MAGI3: variants seen among roughly 807,000 people sequenced by gnomAD.
MAGI3 encodes membrane-associated guanylate kinase, WW and PDZ domain-containing protein 3.
Under a neutral mutation model 121.8 loss-of-function variants are expected in MAGI3, and 43 were observed. The ratio of observed to expected loss-of-function variants is 0.35; its 90% confidence interval spans 0.28 to 0.46. The LOEUF is 0.46. MAGI3 is among the 20% of genes least tolerant of loss of function. The pLI, the probability that MAGI3 is intolerant of heterozygous loss-of-function variation, is 1.00. For synonymous variants in MAGI3, 553 were observed against 639.3 expected, an observed-to-expected ratio of 0.86 and a Z score of 2.04; for missense variants, 1,547 against 1,797.3, an observed-to-expected ratio of 0.86 and a Z score of 2.52.
Position 113,584,076 on chromosome 1 carries a change from A to C in MAGI3, c.554-1311A>C, listed in dbSNP as rs541580552. On this transcript the variant is annotated intron_variant, in intron 3 of 20. Coordinates refer to ENST00000307546, the MANE Select transcript of MAGI3 (RefSeq NM_001142782.2). ...TGCTATTTTCTATCTAGGAAAAAAC[A>C]ATCAATTATCTACCTCATTAATTTA... Among the ~76,000 whole-genome samples the C allele has an allele frequency of 2.6e-5, 4 of 152,298 alleles. No individual in the cohort carries two copies. The East Asian group carries it at 7.7e-4, about 29-fold the overall frequency.
At chr1:113,576,585 C>G (rs1245472079) in intron 2 of MAGI3, among the ~76,000 whole-genome samples, 10 of 152,294 alleles carry the variant, frequency 6.6e-5, no homozygotes, top group African/African-American at 2.2e-4. Flanking sequence ...GAGCTGCAGA[C>G]CAGAGCTTTT....
intron 1 of MAGI3, among the ~76,000 whole-genome samples, chr1:113,460,531 C>A (rs752444712): frequency 6.6e-6 from 1 of 152,108 alleles, no homozygotes; most frequent in Non-Finnish European, 1.5e-5. Flanking sequence ...TAGTCTCAGC[C>A]GGGCACGGTG....
At chr1:113,594,395 T>A in intron 5 of MAGI3, 86 bp from the exon 6 acceptor site, 1 of 1,051,288 alleles carries the variant, frequency 9.5e-7, no homozygotes, top group Non-Finnish European at 1.4e-6. Context: ...AAACATCATG[T>A]CTTTTAGTCA....
chr1:113,685,658 C>G lies in MAGI3; in HGVS notation c.*1644C>G, dbSNP rs1267466815. The G allele has an allele frequency of 2.0e-5, 3 of 152,314 alleles. No individual in the cohort carries two copies. The highest frequency in any genetic ancestry group is 4.4e-5 in the Non-Finnish European group (3 of 68,028). 9.4% of individuals were successfully genotyped at this position (152,314 alleles called of 1,614,324 possible). Reference sequence around the variant, plus strand: ...TATTTATTATTTTCCCTGTAGTCCACAATTAGTGATAACGAATCCTATTTT... The same window carrying G: ...TATTTATTATTTTCCCTGTAGTCCAGAATTAGTGATAACGAATCCTATTTT... On this transcript the variant is annotated 3_prime_UTR_variant, in exon 21 of 21. Transcript: ENST00000307546.
chr1:113,636,329 A>G lies in MAGI3; in HGVS notation c.1361-5582A>G, dbSNP rs1023171261. The stretch of plus-strand genomic sequence containing the variant: ...TTTTAATTGTGATGTTAGGGTGTCA[A>G]TTTTGGATCTTTCCTGCTTTCTTTT... On this transcript the variant is annotated intron_variant, in intron 9 of 20. Transcript: ENST00000307546. Among the ~76,000 whole-genome samples the G allele has an allele frequency of 2.4e-4, 37 of 152,172 alleles. No homozygotes were observed. The Middle Eastern group carries it at 0.014, about 56-fold the overall frequency.
intron 3 of MAGI3, among the ~76,000 whole-genome samples, chr1:113,582,990 TA>T (rs903206612): frequency 6.6e-6 from 1 of 151,258 alleles, no homozygotes; most frequent in Non-Finnish European, 1.5e-5. Context: ...CTTCAGAAAA[TA>T]AAAAAAACTT....
At chr1:113,597,394 G>T (rs771929433) in intron 6 of MAGI3, among the ~76,000 whole-genome samples, 19 of 152,152 alleles carry the variant, frequency 1.2e-4, no homozygotes, top group Non-Finnish European at 2.8e-4. Context: ...TGTGGTGATG[G>T]TTGTACAATT....
At chr1:113,480,272 C>T (rs1470774632) in intron 1 of MAGI3, among the ~76,000 whole-genome samples, 1 of 152,220 alleles carries the variant, frequency 6.6e-6, no homozygotes, top group Non-Finnish European at 1.5e-5. Context: ...CAACAGTCAA[C>T]TATTTACAGA....
intron 1 of MAGI3, among the ~76,000 whole-genome samples, chr1:113,453,897 A>C (rs958194268): frequency 6.6e-6 from 1 of 152,248 alleles, no homozygotes; most frequent in African/African-American, 2.4e-5. Flanking sequence ...CATGCTATCT[A>C]CTGCTTCCCC....
chr1:113,560,414 CA>C (rs1016534459), intron 2 of MAGI3, among the ~76,000 whole-genome samples: 14 of 131,460 alleles, frequency 1.1e-4, no homozygotes, highest in Non-Finnish European at 2.3e-4. Context: ...CAAAAAAAAC[CA>C]AAAAAACAAT....
At chr1:113,596,446 C>T (rs1054289621) in intron 6 of MAGI3, among the ~76,000 whole-genome samples, 3 of 152,084 alleles carry the variant, frequency 2.0e-5, no homozygotes, top group Admixed American at 2.0e-4. Context: ...ATTTCTTAAA[C>T]AGGCCACAAA....
intron 1 of MAGI3, among the ~76,000 whole-genome samples, chr1:113,449,061 T>A (rs1654327767): frequency 6.7e-6 from 1 of 148,616 alleles, no homozygotes; most frequent in South Asian, 2.1e-4. Flanking sequence ...GAGGTTGTGG[T>A]GAGCCGAGAT....
chr1:113,492,089 C>A (rs1656697438), intron 1 of MAGI3, among the ~76,000 whole-genome samples: 1 of 152,156 alleles, frequency 6.6e-6, no homozygotes, highest in African/African-American at 2.4e-5. Flanking sequence ...AGGCCAATAT[C>A]CTTGATGAAC....
At chr1:113,541,148 T>G (rs1305768803) in intron 1 of MAGI3, among the ~76,000 whole-genome samples, 1 of 152,200 alleles carries the variant, frequency 6.6e-6, no homozygotes, top group Non-Finnish European at 1.5e-5. Flanking sequence ...TCTGGGCATG[T>G]GTAAGGAAAC....
intron 6 of MAGI3, among the ~76,000 whole-genome samples, chr1:113,614,239 G>T (rs1313481431): frequency 6.6e-6 from 1 of 152,122 alleles, no homozygotes; most frequent in Admixed American, 6.5e-5. Context: ...GTAAAAAATT[G>T]AACAGATACC....
intron 2 of MAGI3, among the ~76,000 whole-genome samples, chr1:113,554,660 C>G (rs994070861): frequency 1.3e-5 from 2 of 151,716 alleles, no homozygotes; most frequent in Non-Finnish European, 2.9e-5. Flanking sequence ...GACAAACTAT[C>G]AAGCCAAAGT....
chr1:113,439,970 G>T (rs1205212579), intron 1 of MAGI3, among the ~76,000 whole-genome samples: 1 of 152,080 alleles, frequency 6.6e-6, no homozygotes, highest in African/African-American at 2.4e-5. Flanking sequence ...TTGATGATAT[G>T]ATCTTGTGTA....
chr1:113,682,972 AT>A lies in MAGI3; in HGVS notation c.3408del (p.Phe1136LeufsTer12). ...DEQSPLPPSS[H>X]FASIFEESHV... ...CAGTCACCATTACCCCCATCTTCAC[AT>A]TTTGCTTCCATATTTGAAGAGTCTC... On this transcript the variant is annotated frameshift_variant, in exon 21 of 21. Transcript: ENST00000307546. LOFTEE classifies it low-confidence loss of function (END_TRUNC). 6.2e-7 allele frequency: 1 copy of A among 1,613,668 alleles called. No homozygotes were observed. Among genetic ancestry groups the A allele is most frequent in the Non-Finnish European group, 8.5e-7 (1 of 1,179,814 alleles).
chr1:113,391,087 C>A lies in MAGI3; in HGVS notation c.54C>A (p.Cys18Ter). 6.3e-7 allele frequency: 1 copy of A among 1,589,520 alleles called. No individual in the cohort carries two copies. Among genetic ancestry groups the A allele is most frequent in the Non-Finnish European group, 8.6e-7 (1 of 1,168,830 alleles). ...KKHWLSKVQE[C>*]AVSWAGPPGD... is the part of the protein sequence containing the mutation. ...ACTGGCTCAGCAAGGTGCAGGAGTGCGCCGTGTCCTGGGCCGGGCCCCCGG... is the reference window on the plus strand; with the variant it reads ...ACTGGCTCAGCAAGGTGCAGGAGTGAGCCGTGTCCTGGGCCGGGCCCCCGG... The change falls in exon 1 of 21, where the codon TGC (cysteine) becomes TGA (stop). Residue 18 changes from cysteine (C) to a stop codon, truncating the protein, a stop_gained. Transcript: ENST00000307546. LOFTEE classifies it high-confidence loss of function. This position sits in a 1 kb window ranked among gnomAD's most constrained non-coding sequence, Gnocchi z 4.4.
Sources: allele counts gnomAD v4.1 joint callset (sites outside exome capture counted in the v4.1 genomes callset), GRCh38; gene constraint gnomAD v4.1.1; non-coding constraint Gnocchi (gnomAD v3.1); transcripts MANE v1.5; gene names NCBI Gene and HGNC (gene_info 2026-07-23, HGNC 2026-07-21).